The following TENM3 variants were observed in gnomAD, a reference collection of about 807,000 sequenced individuals.
TENM3 encodes teneurin-3.
A neutral mutation model predicts 255.1 loss-of-function variants in TENM3; 63 were observed. That is an observed-to-expected ratio of 0.25 (90% CI 0.20 to 0.30). The LOEUF is 0.30. Among genes scored for constraint, TENM3 ranks in the 10% least tolerant of loss-of-function variants. The probability of loss-of-function intolerance (pLI) is 1.00; values close to 1 mark genes in which losing one functional copy is unlikely to be tolerated. For synonymous variants in TENM3, 1,306 were observed against 1,322.3 expected, an observed-to-expected ratio of 0.99 and a Z score of 0.27; for missense variants, 2,929 against 3,461.1, an observed-to-expected ratio of 0.85 and a Z score of 3.86.
At chr4:182,135,405 G>A in the TENM3 span, among the ~76,000 whole-genome samples, 11 of 152,176 alleles carry the variant, frequency 7.2e-5, no homozygotes, top group African/African-American at 2.6e-4. Context: ...TGATGGCTTA[G>A]GTTTCCAGAC....
the TENM3 span, among the ~76,000 whole-genome samples, chr4:181,561,909 G>A: frequency 3.3e-5 from 5 of 152,150 alleles, no homozygotes; most frequent in Non-Finnish European, 5.9e-5. Context: ...CCTCCAACTC[G>A]CAGGATGGGA....
the TENM3 span, among the ~76,000 whole-genome samples, chr4:181,548,143 T>C: frequency 6.6e-6 from 1 of 152,160 alleles, no homozygotes; most frequent in Non-Finnish European, 1.5e-5. Flanking sequence ...ACGGCGATCA[T>C]TAAAAAGTCA....
At chr4:181,934,131 C>T in the TENM3 span, among the ~76,000 whole-genome samples, 27 of 151,728 alleles carry the variant, frequency 1.8e-4, no homozygotes, top group Middle Eastern at 3.4e-3. Context: ...TTGGACAATG[C>T]GCTAATTGAA....
chr4:181,869,660 A>T, the TENM3 span, among the ~76,000 whole-genome samples: 1 of 152,120 alleles, frequency 6.6e-6, no homozygotes, highest in East Asian at 1.9e-4. Flanking sequence ...ATTTTTTGAA[A>T]CCAAGACTTT....
At chr4:182,066,870 C>T in the TENM3 span, among the ~76,000 whole-genome samples, 1 of 152,084 alleles carries the variant, frequency 6.6e-6, no homozygotes, top group Non-Finnish European at 1.5e-5. Flanking sequence ...GAGATCGCAC[C>T]GCTGCACTCC....
chr4:182,312,050 C>A (rs1223642734), intron 1 of TENM3, among the ~76,000 whole-genome samples: 1 of 152,182 alleles, frequency 6.6e-6, no homozygotes, highest in African/African-American at 2.4e-5. Flanking sequence ...CCCAGCCTAG[C>A]CACACTACTG....
At chr4:181,972,945 T>C in the TENM3 span, among the ~76,000 whole-genome samples, 1 of 152,148 alleles carries the variant, frequency 6.6e-6, no homozygotes, top group East Asian at 1.9e-4. Flanking sequence ...AAAAAATCCC[T>C]GACTGCAGTG....
chr4:182,585,927 C>T (rs1342577439), intron 3 of TENM3, among the ~76,000 whole-genome samples: 2 of 152,112 alleles, frequency 1.3e-5, no homozygotes, highest in Non-Finnish European at 2.9e-5. Context: ...TGCAGGCTTC[C>T]AATCTCAATA....
chr4:182,463,869 G>C (rs932306623), intron 3 of TENM3, among the ~76,000 whole-genome samples: 1 of 151,936 alleles, frequency 6.6e-6, no homozygotes, highest in Admixed American at 6.6e-5. Context: ...TGATCCACCC[G>C]CCTCGGCCTC....
At chr4:182,123,883 A>C in the TENM3 span, among the ~76,000 whole-genome samples, 1 of 152,174 alleles carries the variant, frequency 6.6e-6, no homozygotes, top group Non-Finnish European at 1.5e-5. Context: ...TTAGAGGAGA[A>C]GAGTGACAGC....
chr4:182,728,967 G>C lies in TENM3; in HGVS notation c.2371G>C (p.Gly791Arg), dbSNP rs774791445. 1 of 1,613,120 alleles carries C rather than the reference G, an allele frequency of 6.2e-7. No individual in the cohort carries two copies. Among genetic ancestry groups the C allele is most frequent in the South Asian group, 1.1e-5 (1 of 91,018 alleles). The part of the protein sequence containing the change: ...CTDSKDNEGD[G>R]LIDCMDPDCC... Reference sequence around the variant, plus strand: ...CTGGGGAACATTTCTCTCTACAGATGGACTCATTGACTGCATGGATCCCGA... The same window carrying C: ...CTGGGGAACATTTCTCTCTACAGATCGACTCATTGACTGCATGGATCCCGA... The change falls in exon 14 of 28, where the codon GGA (glycine) becomes CGA (arginine). Residue 791 changes from glycine (G) to arginine (R), a missense_variant and splice_region_variant. Coordinates refer to ENST00000511685, the MANE Select transcript of TENM3 (RefSeq NM_001080477.4).
chr4:182,267,326 A>G (rs994835571), intron 1 of TENM3, among the ~76,000 whole-genome samples: 1 of 152,208 alleles, frequency 6.6e-6, no homozygotes, highest in African/African-American at 2.4e-5. Context: ...ATGGCAATAT[A>G]ATTATTTGCA....
intron 16 of TENM3, among the ~76,000 whole-genome samples, chr4:182,736,270 A>G (rs960102763): frequency 9.9e-5 from 15 of 152,214 alleles, no homozygotes; most frequent in Admixed American, 3.9e-4. Context: ...TGATGAGGCT[A>G]TAGGTACTGG....
chr4:181,487,256 TTTTG>T, the TENM3 span, among the ~76,000 whole-genome samples: 7 of 152,136 alleles, frequency 4.6e-5, no homozygotes, highest in African/African-American at 1.4e-4. Flanking sequence ...GGTGGTTGGT[TTTTG>T]TTTGTTTGAC....
At chr4:182,488,542 G>T (rs1033475786) in intron 3 of TENM3, among the ~76,000 whole-genome samples, 1 of 152,018 alleles carries the variant, frequency 6.6e-6, no homozygotes, top group Non-Finnish European at 1.5e-5. Context: ...ATTTCATTTT[G>T]TTCTTTTACT....
chr4:182,617,749 A>G (rs1263915676), intron 4 of TENM3, among the ~76,000 whole-genome samples: 2 of 152,196 alleles, frequency 1.3e-5, no homozygotes, highest in Admixed American at 6.5e-5. Context: ...ATTTACCTAC[A>G]TGTGTCAGTA....
chr4:181,787,953 C>A, the TENM3 span, among the ~76,000 whole-genome samples: 2 of 152,046 alleles, frequency 1.3e-5, no homozygotes, highest in East Asian at 3.9e-4. Flanking sequence ...TGAGATTGCA[C>A]CACTATACTC....
At chr4:181,678,942 G>T in the TENM3 span, among the ~76,000 whole-genome samples, 194 of 151,646 alleles carry the variant, frequency 1.3e-3, no homozygotes, top group African/African-American at 4.5e-3. Context: ...ATTAATTTTT[G>T]AATTATTTTG....
At chr4:182,547,525 T>A (rs1741564483) in intron 3 of TENM3, among the ~76,000 whole-genome samples, 1 of 152,134 alleles carries the variant, frequency 6.6e-6, no homozygotes, top group Admixed American at 6.5e-5. Flanking sequence ...GTCCATCAGT[T>A]ATTGAACATA....
Sources: gnomAD v4.1 joint callset for allele counts (sites outside exome capture counted in the v4.1 genomes callset) on GRCh38, gnomAD v4.1.1 for gene constraint, MANE v1.5 for transcripts, NCBI Gene and HGNC (gene_info 2026-07-23, HGNC 2026-07-21) for gene names.